Variants in FMN1 observed in about 807,000 individuals in gnomAD.
The protein encoded by FMN1 is formin-1.
A neutral mutation model predicts 132.4 loss-of-function variants in FMN1; 110 were observed. That is an observed-to-expected ratio of 0.83 (90% CI 0.71 to 0.97). The LOEUF is 0.97. Among genes scored for constraint, FMN1 ranks in the 50% least tolerant of loss-of-function variants. The probability of loss-of-function intolerance (pLI) is 0.00; values close to 1 mark genes in which losing one functional copy is unlikely to be tolerated. For synonymous variants in FMN1, 722 were observed against 651.7 expected, an observed-to-expected ratio of 1.11 and a Z score of -1.64; for missense variants, 1,792 against 1,705.3, an observed-to-expected ratio of 1.05 and a Z score of -0.90.
intron 7 of FMN1, among the ~76,000 whole-genome samples, chr15:32,991,758 A>G (rs1237936880): frequency 6.6e-6 from 1 of 152,216 alleles, no homozygotes; most frequent in Non-Finnish European, 1.5e-5. Flanking sequence ...TAGAAGAACC[A>G]AAAGAAACCA....
chr15:33,102,072 T>A (rs542658323), intron 4 of FMN1, among the ~76,000 whole-genome samples: 6 of 152,228 alleles, frequency 3.9e-5, no homozygotes, highest in Non-Finnish European at 8.8e-5. Context: ...ATCTCCCCTT[T>A]TCTATTCTTT....
rs747872834 is a variant in FMN1, at chr15:32,968,834, G to A, written c.2867C>T (p.Pro956Leu). Residue 956 changes from proline (P) to leucine (L), a missense_variant, in exon 8 of 21, where the codon CCC becomes CTC. Pro to Leu is a moderately conservative substitution (Grantham distance 98). Transcript: ENST00000616417. ...GCCAAGTCCAAAGAAGAGTCCAGGG[G>A]GAGGTGGGGGTGCAAGTCCTGGGGG... Reference protein sequence around the residue: ...PPPPGLAPPPPPGLFFGLGSS... With the variant: ...PPPPGLAPPPLPGLFFGLGSS... 144 of 1,610,428 alleles carry A rather than the reference G, an allele frequency of 8.9e-5. No individual in the cohort carries two copies. Among genetic ancestry groups the A allele is most frequent in the Non-Finnish European group, 1.1e-4 (134 of 1,178,430 alleles).
chr15:32,793,176 G>GT (rs1329085340), intron 19 of FMN1, among the ~76,000 whole-genome samples: 1 of 152,064 alleles, frequency 6.6e-6, no homozygotes, highest in Non-Finnish European at 1.5e-5. Flanking sequence ...CAGTTTTTTA[G>GT]TTTATCCTCT....
At chr15:32,972,725 G>T (rs1245161599) in intron 7 of FMN1, among the ~76,000 whole-genome samples, 1 of 152,048 alleles carries the variant, frequency 6.6e-6, no homozygotes, top group African/African-American at 2.4e-5. Flanking sequence ...CTTTCTAGAT[G>T]ATCTCATATA....
chr15:32,962,124 TTATTA>T (rs953088221), intron 9 of FMN1, among the ~76,000 whole-genome samples: 1 of 151,906 alleles, frequency 6.6e-6, no homozygotes, highest in Non-Finnish European at 1.5e-5. Context: ...ATTATTATTA[TTATTA>T]TTTTACTTTT....
intron 17 of FMN1, among the ~76,000 whole-genome samples, chr15:32,842,865 C>A (rs1161997917): frequency 6.7e-6 from 1 of 149,870 alleles, no homozygotes; most frequent in African/African-American, 2.5e-5. Context: ...GTGGCTCACA[C>A]CTGTAATCCT....
At chr15:32,910,931 A>G (rs764108121) in intron 10 of FMN1, among the ~76,000 whole-genome samples, 1 of 152,232 alleles carries the variant, frequency 6.6e-6, no homozygotes, top group African/African-American at 2.4e-5. Context: ...CCATTACCAG[A>G]AAGAAAGAGA....
At position 32,925,995 on chromosome 15, in the gene FMN1, C is replaced by T. The variant is rs993829327; in HGVS notation, c.3226+179G>A. ...CATCTGAAATTTGCTTCATAACCTA[C>T]TTGGTGAGAGGGGGGCATTTTCAGA... is the stretch of plus-strand genomic sequence containing the variant. On this transcript the variant is annotated intron_variant, in intron 10 of 20. Transcript: ENST00000616417. Among the ~76,000 whole-genome samples the T allele has an allele frequency of 5.3e-5, 8 of 152,100 alleles. No individual in the cohort carries two copies. In the East Asian group the frequency reaches 1.5e-3, roughly 29 times the overall value.
chr15:32,794,875 T>C (rs1299360123), intron 19 of FMN1, among the ~76,000 whole-genome samples: 2 of 152,322 alleles, frequency 1.3e-5, no homozygotes, highest in East Asian at 1.9e-4. Flanking sequence ...TTTGTGTACA[T>C]GCTCCATAAA....
At chr15:32,990,334 G>C (rs965470099) in intron 7 of FMN1, among the ~76,000 whole-genome samples, 3 of 152,124 alleles carry the variant, frequency 2.0e-5, no homozygotes, top group African/African-American at 7.2e-5. Flanking sequence ...AAAAACTGCA[G>C]AATTCGCTGT....
intron 16 of FMN1, among the ~76,000 whole-genome samples, chr15:32,869,426 G>C (rs1408226667): frequency 6.6e-6 from 1 of 152,198 alleles, no homozygotes; most frequent in African/African-American, 2.4e-5. Flanking sequence ...GATTTAATCA[G>C]AGTAAGGGAG....
intron 16 of FMN1, among the ~76,000 whole-genome samples, chr15:32,879,135 T>C (rs1213170978): frequency 6.6e-6 from 1 of 152,268 alleles, no homozygotes; most frequent in African/African-American, 2.4e-5. Context: ...AAAGTCACCA[T>C]GCCGATCCAC....
chr15:32,938,499 A>G (rs1182049763), intron 9 of FMN1, among the ~76,000 whole-genome samples: 1 of 152,184 alleles, frequency 6.6e-6, no homozygotes, highest in Non-Finnish European at 1.5e-5. Flanking sequence ...ACTGCTCGCC[A>G]GCCTGGGTGA....
chr15:33,077,794 A>C (rs1305303762), intron 5 of FMN1, among the ~76,000 whole-genome samples: 3 of 44,808 alleles, frequency 6.7e-5, no homozygotes, highest in Non-Finnish European at 2.1e-4. Flanking sequence ...ACAAATTTAC[A>C]AAAAAAAAAA....
At chr15:33,079,448 C>A (rs934595600) in intron 5 of FMN1, among the ~76,000 whole-genome samples, 20 of 152,176 alleles carry the variant, frequency 1.3e-4, no homozygotes, top group Admixed American at 3.9e-4. Context: ...CATGGTGAAA[C>A]CCTGTCTCTA....
At position 33,134,407 on chromosome 15, in the gene FMN1, T is replaced by C. The variant is rs565586704; in HGVS notation, c.1867+18641A>G. 2.0e-5 allele frequency among the ~76,000 whole-genome samples: 3 copies of C among 152,166 alleles called. No homozygotes were observed. The East Asian group carries it at 5.8e-4, about 29-fold the overall frequency. Reference sequence around the variant, plus strand: ...AGTTCCACCTCACCTCACCCCAAATTACCCAGTGAACAACCATCTAAATAA... The same window carrying C: ...AGTTCCACCTCACCTCACCCCAAATCACCCAGTGAACAACCATCTAAATAA... On this transcript the variant is annotated intron_variant, in intron 4 of 20. Transcript: ENST00000616417.
At chr15:32,804,705 C>T (rs1336328228) in intron 17 of FMN1, among the ~76,000 whole-genome samples, 2 of 150,220 alleles carry the variant, frequency 1.3e-5, no homozygotes, top group African/African-American at 2.5e-5. Context: ...GTTCCCCACC[C>T]TGTGTCCATC....
intron 2 of FMN1, among the ~76,000 whole-genome samples, chr15:33,187,347 A>G (rs1965921948): frequency 6.6e-6 from 1 of 152,174 alleles, no homozygotes; most frequent in African/African-American, 2.4e-5. Flanking sequence ...TTCTTGAAGC[A>G]TGTAAAAAGG....
intron 7 of FMN1, among the ~76,000 whole-genome samples, chr15:32,977,423 A>T (rs1385080135): frequency 6.6e-6 from 1 of 152,222 alleles, no homozygotes; most frequent in Admixed American, 6.5e-5. Flanking sequence ...TGAAAAAGAT[A>T]TGGAATGATT....
Sources: allele counts gnomAD v4.1 joint callset (sites outside exome capture counted in the v4.1 genomes callset), GRCh38; gene constraint gnomAD v4.1.1; transcripts MANE v1.5; gene names NCBI Gene and HGNC (gene_info 2026-07-23, HGNC 2026-07-21).